The following FAM135A variants were observed in gnomAD, a reference collection of about 807,000 sequenced individuals.
The protein encoded by FAM135A is protein FAM135A.
FAM135A carries 79 observed loss-of-function variants against 146.8 expected under a neutral mutation model. That is an observed-to-expected ratio of 0.54 (90% CI 0.45 to 0.65). FAM135A has a LOEUF of 0.65. Ranked by LOEUF, FAM135A falls within the 30% of genes least tolerant of loss-of-function variation. FAM135A has a pLI of 0.00. For synonymous variants in FAM135A, 562 were observed against 603.6 expected, an observed-to-expected ratio of 0.93 and a Z score of 1.01; for missense variants, 1,623 against 1,758.2, an observed-to-expected ratio of 0.92 and a Z score of 1.38.
chr6:70,485,454 T>G (rs1784435141), intron 10 of FAM135A, among the ~76,000 whole-genome samples: 1 of 152,194 alleles, frequency 6.6e-6, no homozygotes, highest in South Asian at 2.1e-4. Context: ...TCAATGTCTT[T>G]TATTTTTATT....
At chr6:70,520,347 A>AT (rs1301883050) in intron 12 of FAM135A, among the ~76,000 whole-genome samples, 4 of 152,080 alleles carry the variant, frequency 2.6e-5, no homozygotes, top group African/African-American at 9.7e-5. Context: ...CAAGGTGCTT[A>AT]TTTTTTTCAA....
chr6:70,448,517 G>A (rs370654409), intron 4 of FAM135A, among the ~76,000 whole-genome samples: 1 of 151,990 alleles, frequency 6.6e-6, no homozygotes, highest in Non-Finnish European at 1.5e-5. Context: ...GTGACCCTTC[G>A]ACCTGGATTC....
At chr6:70,556,595 T>TA (rs1216017760) in intron 20 of FAM135A, 155 bp from the exon 21 acceptor site, 2 of 538,274 alleles carry the variant, frequency 3.7e-6, no homozygotes, top group African/African-American at 3.8e-5. Flanking sequence ...GTAGAGAACA[T>TA]ACAGAAATTT....
At chr6:70,449,608 G>A (rs57667273) in intron 4 of FAM135A, among the ~76,000 whole-genome samples, 126 of 151,992 alleles carry the variant, frequency 8.3e-4, no homozygotes, top group African/African-American at 3.0e-3. Flanking sequence ...GCTATATGTA[G>A]TATTCTGTTG....
At chr6:70,488,478 G>A (rs900411346) in intron 10 of FAM135A, among the ~76,000 whole-genome samples, 8 of 138,332 alleles carry the variant, frequency 5.8e-5, no homozygotes, top group African/African-American at 1.9e-4. Flanking sequence ...CCCCCCCCCA[G>A]AAATATATGA....
chr6:70,439,852 C>T lies in FAM135A; in HGVS notation c.77+11433C>T, dbSNP rs889045784. Reference sequence around the variant, plus strand: ...TAAGCACACACCTATCACCTAGCCTCGGTTATCAAAGTTTTTTCTTCCTAT... The same window carrying T: ...TAAGCACACACCTATCACCTAGCCTTGGTTATCAAAGTTTTTTCTTCCTAT... On this transcript the variant is annotated intron_variant, in intron 4 of 21. Coordinates refer to ENST00000418814, the MANE Select transcript of FAM135A (RefSeq NM_001162529.3). Among the ~76,000 whole-genome samples the T allele has an allele frequency of 7.9e-5, 12 of 152,202 alleles. No individual in the cohort carries two copies. The East Asian group carries it at 1.3e-3, about 17-fold the overall frequency.
At chr6:70,533,607 A>G in intron 17 of FAM135A, 150 bp from the exon 18 acceptor site, 1 of 577,958 alleles carries the variant, frequency 1.7e-6, no homozygotes, top group Non-Finnish European at 2.9e-6. Flanking sequence ...GCTCGTTTTA[A>G]GATAAAAAAA....
At chr6:70,539,705 CA>C (rs1464532364) in intron 20 of FAM135A, among the ~76,000 whole-genome samples, 14 of 152,096 alleles carry the variant, frequency 9.2e-5, no homozygotes, top group African/African-American at 2.9e-4. Flanking sequence ...GAATAAAAGA[CA>C]TTGACACGGC....
chr6:70,432,093 A>C (rs1178997171), intron 4 of FAM135A, among the ~76,000 whole-genome samples: 1 of 152,134 alleles, frequency 6.6e-6, no homozygotes, highest in Non-Finnish European at 1.5e-5. Context: ...GTGTATTAAC[A>C]ATCAATGCTA....
At chr6:70,477,603 G>A (rs1050948502) in intron 8 of FAM135A, among the ~76,000 whole-genome samples, 5 of 151,946 alleles carry the variant, frequency 3.3e-5, no homozygotes, top group Non-Finnish European at 7.4e-5. Context: ...TAAATAACTA[G>A]ATCTCATGAG....
intron 11 of FAM135A, among the ~76,000 whole-genome samples, chr6:70,498,136 C>G (rs1361444441): frequency 6.6e-6 from 1 of 152,106 alleles, no homozygotes; most frequent in East Asian, 1.9e-4. Context: ...CTGTAAATTA[C>G]TGCCTCAATT....
intron 4 of FAM135A, among the ~76,000 whole-genome samples, chr6:70,430,813 G>C (rs1222886490): frequency 1.3e-5 from 2 of 152,178 alleles, no homozygotes; most frequent in Non-Finnish European, 2.9e-5. Flanking sequence ...AACCCAGCAA[G>C]TTCTAGTTGC....
chr6:70,511,243 CTT>C (rs1218384578), intron 12 of FAM135A, among the ~76,000 whole-genome samples: 1 of 151,812 alleles, frequency 6.6e-6, no homozygotes, highest in Non-Finnish European at 1.5e-5. Flanking sequence ...TTTTAGCTCT[CTT>C]GATAATGTTC....
At chr6:70,433,115 C>T (rs1354164684) in intron 4 of FAM135A, among the ~76,000 whole-genome samples, 1 of 151,380 alleles carries the variant, frequency 6.6e-6, no homozygotes, top group Non-Finnish European at 1.5e-5. Flanking sequence ...TGCTCTGTCG[C>T]CCAGGCTGGA....
Position 70,524,031 on chromosome 6 carries a change from C to T in FAM135A, c.1168C>T (p.Pro390Ser). The T allele has an allele frequency of 1.2e-6, 2 of 1,613,326 alleles. No homozygotes were observed. The highest frequency in any genetic ancestry group is 8.5e-7 in the Non-Finnish European group (1 of 1,179,554). ...KNTSFCSSLP[P>S]LPIECSELDG... is the part of the protein sequence containing the mutation. ...TACTTCCTTCTGCAGTTCTCTTCCA[C>T]CCTTACCTATTGAATGTAGTGAATT... The change falls in exon 14 of 22, where the codon CCC (proline) becomes TCC (serine). Residue 390 changes from proline to serine, a missense_variant. This residue lies in a region of FAM135A where 1,061 missense variants were observed against 1,113.8 expected (regional missense o/e 0.95). Coordinates refer to ENST00000418814, the MANE Select transcript of FAM135A (RefSeq NM_001162529.3).
At chr6:70,481,151 T>A in intron 9 of FAM135A, 124 bp downstream of exon 9, 2 of 867,860 alleles carry the variant, frequency 2.3e-6, no homozygotes, top group Non-Finnish European at 3.2e-6. Flanking sequence ...TAGATCTAAT[T>A]AAATATGATC....
In FAM135A at chr6:70,524,392, C is replaced by T; in HGVS notation, c.1308C>T (p.Ser436=). Residue 436 remains serine, a synonymous_variant, in exon 15 of 22, where the codon TCC becomes TCT. Transcript: ENST00000418814. Reference sequence around the variant, plus strand: ...TTCAGAATCTTCAGAGATCAGAGTCCAGTAAAATGGATAAATATGAGACTG... The same window carrying T: ...TTCAGAATCTTCAGAGATCAGAGTCTAGTAAAATGGATAAATATGAGACTG... The part of the protein sequence containing the change: ...MGIQNLQRSE[S]SKMDKYETEE... The T allele has an allele frequency of 5.3e-6, 8 of 1,517,124 alleles. No individual in the cohort carries two copies. Among genetic ancestry groups the T allele is most frequent in the Non-Finnish European group, 7.0e-6 (8 of 1,137,578 alleles). The allele number at this position is 1,517,124 out of a possible 1,614,324, so 94.0% of individuals were successfully genotyped here.
chr6:70,502,560 T>C, intron 11 of FAM135A, 76 bp from the exon 12 acceptor site: 3 of 1,455,550 alleles, frequency 2.1e-6, no homozygotes, highest in Non-Finnish European at 2.8e-6. Context: ...TGTATTAATA[T>C]TCTCAATAAC....
intron 5 of FAM135A, among the ~76,000 whole-genome samples, chr6:70,458,724 T>C (rs1432693279): frequency 1.3e-5 from 2 of 152,186 alleles, no homozygotes; most frequent in Non-Finnish European, 2.9e-5. Context: ...TGGTGACTTA[T>C]GACATGCGTC....
Sources: gnomAD v4.1 joint callset for allele counts (sites outside exome capture counted in the v4.1 genomes callset) on GRCh38, gnomAD v4.1.1 for gene constraint, gnomAD v4.1.1 regional missense constraint, MANE v1.5 for transcripts, NCBI Gene and HGNC (gene_info 2026-07-23, HGNC 2026-07-21) for gene names.